The following SMIM27 variants were observed in gnomAD, a reference collection of about 807,000 sequenced individuals.
SMIM27 encodes transition zone microprotein 1.
In SMIM27, 3 loss-of-function variants were observed where a neutral mutation model predicts 1.8. That is an observed-to-expected ratio of 1.65 (90% CI 0.75 to 4.28). The LOEUF is 4.28. Ranked by LOEUF, SMIM27 falls within the 30% of genes most tolerant of loss-of-function variation. SMIM27 has a pLI of 0.02. For missense variants in SMIM27, 63 were observed against 37.0 expected (o/e 1.70, Z -1.83); for synonymous variants, 19 against 13.9 (o/e 1.37, Z -0.82).
At position 32,563,875 on chromosome 9, in the gene SMIM27, T is replaced by C. The variant is rs886827450; in HGVS notation, c.46-2516T>C. ...TGCCCAGGCAGGAGTCCTTGCAAGCTGACTCTGTGTCCTTTGAAATATGTT... is the reference window on the plus strand; with the variant it reads ...TGCCCAGGCAGGAGTCCTTGCAAGCCGACTCTGTGTCCTTTGAAATATGTT... On this transcript the variant is annotated intron_variant, in intron 1 of 1. Coordinates refer to the SMIM27 transcript ENST00000451672. 3.9e-5 allele frequency among the ~76,000 whole-genome samples: 6 copies of C among 152,246 alleles called. No homozygotes were observed. In the East Asian group the frequency reaches 1.2e-3, roughly 29 times the overall value.
At chr9:32,553,899 C>G, downstream of SMIM27, 1 of 1,597,286 alleles carries the variant, frequency 6.3e-7, no homozygotes, top group Non-Finnish European at 8.6e-7. Context: ...TCAGGAAATT[C>G]TTTCATTGGT....
chr9:32,562,481 CA>C (rs1486234762), intron 1 of SMIM27, among the ~76,000 whole-genome samples: 6 of 152,148 alleles, frequency 3.9e-5, no homozygotes. Flanking sequence ...ACTCTTCTGT[CA>C]ATAGGCTAAC....
At chr9:32,559,586 T>C (rs1821570165) in intron 1 of SMIM27, among the ~76,000 whole-genome samples, 1 of 152,198 alleles carries the variant, frequency 6.6e-6, no homozygotes, top group Admixed American at 6.5e-5. Flanking sequence ...CCTCAAGGCC[T>C]CTGTACTTCA....
At chr9:32,563,193 CAAT>C (rs1440275081) in intron 1 of SMIM27, among the ~76,000 whole-genome samples, 4 of 152,162 alleles carry the variant, frequency 2.6e-5, no homozygotes, top group African/African-American at 9.7e-5. Flanking sequence ...GCCCCATTAT[CAAT>C]AATGTTAATT....
chr9:32,563,097 ATTCAAGTTAT>A, intron 1 of SMIM27, among the ~76,000 whole-genome samples: 1 of 152,310 alleles, frequency 6.6e-6, no homozygotes, highest in Middle Eastern at 3.4e-3. Flanking sequence ...AATAAATTAC[ATTCAAGTTAT>A]GCACCTTTGG....
At chr9:32,553,757 C>G, downstream of SMIM27, 1 of 706,142 alleles carries the variant, frequency 1.4e-6, no homozygotes, top group Non-Finnish European at 2.5e-6. Context: ...TGCTTGAAAA[C>G]AGATATGACA....
intron 1 of SMIM27, chr9:32,566,208 G>A: frequency 1.2e-6 from 1 of 807,524 alleles, no homozygotes; most frequent in Non-Finnish European, 2.2e-6. Context: ...TGTAGATTCT[G>A]TTCAGGTCAT....
chr9:32,553,013 GTTTA>G, downstream of SMIM27: 1 of 590,148 alleles, frequency 1.7e-6, no homozygotes, highest in Non-Finnish European at 3.0e-6. Flanking sequence ...AAGTTCCCAA[GTTTA>G]TTTTTGCATT....
At chr9:32,553,117 T>C, downstream of SMIM27, 2 of 484,254 alleles carry the variant, frequency 4.1e-6, no homozygotes, top group African/African-American at 2.3e-5. Context: ...GCAACCTAAA[T>C]CTGACAGTCT....
At chr9:32,551,202 C>T (rs1381623691), upstream of SMIM27, 11 of 611,552 alleles carry the variant, frequency 1.8e-5, no homozygotes, top group South Asian at 5.6e-5. Context: ...GTTACTGGTA[C>T]TCAGCCACTG....
downstream of SMIM27, among the ~76,000 whole-genome samples, chr9:32,557,013 A>ACCTG (rs1462782185): frequency 6.9e-6 from 1 of 145,288 alleles, no homozygotes. Context: ...CACCATGCCC[A>ACCTG]GCTAATTTTT....
chr9:32,551,616 A>C (rs1212993893), upstream of SMIM27: 1 of 267,220 alleles, frequency 3.7e-6, no homozygotes, highest in Non-Finnish European at 8.0e-6. Flanking sequence ...GAACGTCTAG[A>C]GCCTAAGCGG....
At chr9:32,551,683 A>G (rs940031927), upstream of SMIM27, 1 of 318,442 alleles carries the variant, frequency 3.1e-6, no homozygotes, top group East Asian at 7.9e-5. Context: ...AACATTCTAG[A>G]GCTGAACCTG....
At chr9:32,557,819 G>A (rs1444467566), downstream of SMIM27, among the ~76,000 whole-genome samples, 4 of 152,138 alleles carry the variant, frequency 2.6e-5, no homozygotes, top group South Asian at 2.1e-4. Context: ...AACTGGGACC[G>A]CTGGCCAGTT....
chr9:32,559,031 A>G, intron 1 of SMIM27: 1 of 1,006,108 alleles, frequency 9.9e-7, no homozygotes, highest in South Asian at 1.5e-5. Context: ...TCATACCCCA[A>G]ATTTTAACTT....
upstream of SMIM27, chr9:32,552,323 G>C (rs568239263): frequency 3.7e-5 from 55 of 1,472,496 alleles, no homozygotes; most frequent in East Asian, 3.5e-4. Context: ...GTGGGCGGGC[G>C]CTCGTGCCCG....
intron 1 of SMIM27, among the ~76,000 whole-genome samples, chr9:32,558,563 T>C (rs1821537475): frequency 6.6e-6 from 1 of 152,208 alleles, no homozygotes; most frequent in South Asian, 2.1e-4. Flanking sequence ...GCATGGATGT[T>C]TGCTTAGGCT....
At chr9:32,563,490 G>GTTTTTTTTTTTT (rs1239149080) in intron 1 of SMIM27, among the ~76,000 whole-genome samples, 10 of 47,544 alleles carry the variant, frequency 2.1e-4, no homozygotes, top group South Asian at 1.3e-3. Flanking sequence ...GGACTATTGG[G>GTTTTTTTTTTTT]CTTTTTTTTT....
In SMIM27 at chr9:32,552,401, G is replaced by C; in HGVS notation, c.-34G>C. 6.2e-7 allele frequency: 1 copy of C among 1,605,904 alleles called. No homozygotes were observed. Among genetic ancestry groups the C allele is most frequent in the Non-Finnish European group, 8.5e-7 (1 of 1,175,734 alleles). ...GGTTACTGTAAGGCCCGCAGCTCCC[G>C]CCAGCTCCCGCGGACTGCTGCCGCC... On this transcript the variant is annotated 5_prime_UTR_variant, in exon 1 of 2. Coordinates refer to ENST00000692500, the MANE Select transcript of SMIM27 (RefSeq NM_001387564.1).
Sources: allele counts gnomAD v4.1 joint callset (sites outside exome capture counted in the v4.1 genomes callset), GRCh38; gene constraint gnomAD v4.1.1; transcripts MANE v1.5; gene names NCBI Gene and HGNC (gene_info 2026-07-23, HGNC 2026-07-21).